Variants in DPF3 observed in about 807,000 individuals in gnomAD.
DPF3 encodes the protein double PHD fingers 3, also known as zinc finger protein DPF3.
Under a neutral mutation model 56.8 loss-of-function variants are expected in DPF3, and 18 were observed. The ratio of observed to expected loss-of-function variants is 0.32; its 90% CI spans 0.22 to 0.47. DPF3 has a LOEUF of 0.47. Among genes scored for constraint, DPF3 ranks in the 20% least tolerant of loss-of-function variants. DPF3 has a pLI of 1.00. For missense variants in DPF3, 403 were observed against 488.8 expected (o/e 0.82, Z 1.65); for synonymous variants, 188 against 180.2 (o/e 1.04, Z -0.35).
At chr14:72,719,352 C>T (rs1353272724) in intron 5 of DPF3, among the ~76,000 whole-genome samples, 2 of 151,982 alleles carry the variant, frequency 1.3e-5, no homozygotes, top group Non-Finnish European at 2.9e-5. Context: ...TGTGAGCCAC[C>T]GCACCCAGCC....
At chr14:72,729,287 A>T (rs1299328198) in intron 4 of DPF3, among the ~76,000 whole-genome samples, 1 of 152,156 alleles carries the variant, frequency 6.6e-6, no homozygotes, top group Non-Finnish European at 1.5e-5. Context: ...AATAAAAATT[A>T]AAAAATGAAG....
chr14:72,781,482 C>T (rs1891967841), intron 1 of DPF3, among the ~76,000 whole-genome samples: 1 of 152,186 alleles, frequency 6.6e-6, no homozygotes, highest in African/African-American at 2.4e-5. Flanking sequence ...GCCCAGTAGA[C>T]CCAATAAATC....
At chr14:72,767,781 C>CAAAAAA in intron 2 of DPF3, among the ~76,000 whole-genome samples, 1 of 62,068 alleles carries the variant, frequency 1.6e-5, no homozygotes, top group South Asian at 4.4e-4. Flanking sequence ...AAAAAAAAAC[C>CAAAAAA]CCATAAACCC....
chr14:72,840,184 A>G (rs931049906), intron 1 of DPF3, among the ~76,000 whole-genome samples: 2 of 152,204 alleles, frequency 1.3e-5, no homozygotes, highest in Admixed American at 6.5e-5. Context: ...AATGGCCTTC[A>G]CTTGTAACAC....
At chr14:72,731,709 C>A in intron 4 of DPF3, 98 bp downstream of exon 4, 1 of 1,522,316 alleles carries the variant, frequency 6.6e-7, no homozygotes, top group Non-Finnish European at 8.9e-7. Context: ...GAGCCCCGGC[C>A]CTTGAGGGGA....
intron 1 of DPF3, among the ~76,000 whole-genome samples, chr14:72,886,527 C>G: frequency 6.6e-6 from 1 of 152,110 alleles, no homozygotes; most frequent in Non-Finnish European, 1.5e-5. Context: ...CTTAATGCCA[C>G]TGAAATGCAC....
intron 1 of DPF3, among the ~76,000 whole-genome samples, chr14:72,888,944 A>G (rs1886650024): frequency 6.6e-6 from 1 of 152,232 alleles, no homozygotes; most frequent in South Asian, 2.1e-4. Flanking sequence ...AAACTGAAAC[A>G]TCAGCCTCAG....
rs190398466 is a variant in DPF3 at position 72,731,614 on chromosome 14, A to G, written c.429+193T>C. The G allele has an allele frequency of 1.6e-3, 1,143 of 699,274 alleles. 4 individuals are homozygous for G. The highest frequency in any genetic ancestry group is 2.4e-3 in the Non-Finnish European group (1,008 of 427,114). 43.3% of individuals were successfully genotyped at this position (699,274 alleles called of 1,614,324 possible). ...AGGGAAGGGAACCGAGGTGAAGGCA[A>G]TAATGACTCCTTCGGAAGATAGGTT... On this transcript the variant is annotated intron_variant, in intron 4 of 10. Transcript: ENST00000556509.
chr14:72,834,107 G>A (rs570574300), intron 1 of DPF3, among the ~76,000 whole-genome samples: 2 of 152,146 alleles, frequency 1.3e-5, no homozygotes, highest in Admixed American at 1.3e-4. Flanking sequence ...GAACCTGGGA[G>A]GAGAAGGTTG....
intron 1 of DPF3, among the ~76,000 whole-genome samples, chr14:72,817,504 A>C (rs1883340835): frequency 6.6e-6 from 1 of 152,128 alleles, no homozygotes; most frequent in Non-Finnish European, 1.5e-5. Flanking sequence ...CAACTAAAAA[A>C]TAATAATAAT....
chr14:72,821,361 T>C (rs1311104292), intron 1 of DPF3, among the ~76,000 whole-genome samples: 1 of 152,014 alleles, frequency 6.6e-6, no homozygotes, highest in Non-Finnish European at 1.5e-5. Flanking sequence ...GGCAGGAGGA[T>C]AGCTTAAGCC....
At chr14:72,689,123 G>A (rs1295627554) in intron 7 of DPF3, among the ~76,000 whole-genome samples, 8 of 152,184 alleles carry the variant, frequency 5.3e-5, no homozygotes, top group African/African-American at 1.4e-4. Flanking sequence ...GAAGGTCAGC[G>A]CCGGCTCCAG....
chr14:72,836,432 C>T lies in DPF3; in HGVS notation c.32+57625G>A, dbSNP rs918587986. The T allele has an allele frequency of 3.0e-6, 3 of 985,554 alleles. No individual in the cohort carries two copies. The African/African-American group carries it at 5.2e-5, about 17-fold the overall frequency. The allele number at this position is 985,554 out of a possible 1,614,324, so 61.1% of individuals were successfully genotyped here. The stretch of plus-strand genomic sequence containing the variant: ...CCAGCCACTGGATAAGCGCACCCTC[C>T]TCCATGCCTCCCTGCTCCTGCCTGC... On this transcript the variant is annotated intron_variant, in intron 1 of 10. Coordinates refer to ENST00000556509, the MANE Select transcript of DPF3 (RefSeq NM_001280542.3).
Position 72,612,997 on chromosome 14 carries a change from T to TGTGTGC in DPF3, c.*6299_*6300insGCACAC, listed in dbSNP as rs1883842438. On this transcript the variant is annotated 3_prime_UTR_variant, in exon 11 of 11. Transcript: ENST00000556509. ...CCTTTGGTTCATTAAGTAGGGCGTGTGTGTGTGTGTGTGTGTGTGTGTGTG... is the reference window on the plus strand; with the variant it reads ...CCTTTGGTTCATTAAGTAGGGCGTGTGTGTGCGTGTGTGTGTGTGTGTGTGTGTGTG... Among the ~76,000 whole-genome samples, 1 of 47,386 alleles carries TGTGTGC rather than the reference T, an allele frequency of 2.1e-5. No homozygotes were observed. The highest frequency in any genetic ancestry group is 1.8e-4 in the Admixed American group (1 of 5,542). The allele number at this position is 47,386 out of a possible 152,430, so 31.1% of individuals were successfully genotyped here. A position where few individuals can be genotyped will look rare whatever the true frequency, so the allele number is the denominator to read the frequency against.
intron 1 of DPF3, among the ~76,000 whole-genome samples, chr14:72,854,756 T>C (rs1275457123): frequency 6.6e-6 from 1 of 152,226 alleles, no homozygotes; most frequent in East Asian, 1.9e-4. Flanking sequence ...AATTTCAGCC[T>C]GGCCCTGAAA....
chr14:72,612,991 G>GGTGTGT lies in DPF3; in HGVS notation c.*6305_*6306insACACAC, dbSNP rs1211122851. Among the ~76,000 whole-genome samples, 4 of 71,014 alleles carry GGTGTGT rather than the reference G, an allele frequency of 5.6e-5. No homozygotes were observed. The highest frequency in any genetic ancestry group is 1.7e-4 in the Admixed American group (1 of 5,880). The allele number at this position is 71,014 out of a possible 152,430, so 46.6% of individuals were successfully genotyped here. A position where few individuals can be genotyped will look rare whatever the true frequency, so the allele number is the denominator to read the frequency against. Reference sequence around the variant, plus strand: ...AGTTTCCCTTTGGTTCATTAAGTAGGGCGTGTGTGTGTGTGTGTGTGTGTG... The same window carrying GGTGTGT: ...AGTTTCCCTTTGGTTCATTAAGTAGGGTGTGTGCGTGTGTGTGTGTGTGTGTGTGTG... On this transcript the variant is annotated 3_prime_UTR_variant, in exon 11 of 11. Transcript: ENST00000556509.
intron 1 of DPF3, among the ~76,000 whole-genome samples, chr14:72,859,474 C>CG (rs1491174535): frequency 3.1e-5 from 3 of 96,160 alleles, no homozygotes; most frequent in African/African-American, 9.3e-5. Flanking sequence ...CTTCCTCCCC[C>CG]CCCCCCCCCA....
At chr14:72,628,223 C>T (rs970148749) in intron 9 of DPF3, among the ~76,000 whole-genome samples, 1 of 152,094 alleles carries the variant, frequency 6.6e-6, no homozygotes, top group African/African-American at 2.4e-5. Flanking sequence ...GTGTTTTCCT[C>T]ATTAAATAAG....
At chr14:72,783,270 C>T (rs1228903298) in intron 1 of DPF3, among the ~76,000 whole-genome samples, 1 of 150,292 alleles carries the variant, frequency 6.7e-6, no homozygotes, top group African/African-American at 2.4e-5. Context: ...TCTTTGCCTA[C>T]TGATCATCTA....
Sources: gnomAD v4.1 joint callset for allele counts (sites outside exome capture counted in the v4.1 genomes callset) on GRCh38, gnomAD v4.1.1 for gene constraint, MANE v1.5 for transcripts, NCBI Gene and HGNC (gene_info 2026-07-23, HGNC 2026-07-21) for gene names.